MINAR2: variants seen among roughly 807,000 people sequenced by gnomAD.
MINAR2 encodes membrane integral NOTCH2 associated receptor 2.
A neutral mutation model predicts 16.1 loss-of-function variants in MINAR2; 21 were observed. The observed-to-expected ratio is 1.31, with a 90% confidence interval of 0.93 to 1.88. MINAR2 has a LOEUF of 1.88. Ranked by LOEUF, MINAR2 falls within the 40% of genes most tolerant of loss-of-function variation. MINAR2 has a pLI of 0.00. For missense variants in MINAR2, 259 were observed against 229.8 expected, an observed-to-expected ratio of 1.13 and a Z score of -0.82; for synonymous variants, 86 against 83.0, an observed-to-expected ratio of 1.04 and a Z score of -0.20.
chr5:129,750,661 G>A (rs989975726), intron 1 of MINAR2, among the ~76,000 whole-genome samples: 8 of 152,180 alleles, frequency 5.3e-5, no homozygotes, highest in African/African-American at 1.9e-4. Context: ...ATGTATGGAA[G>A]TATGTACATA....
chr5:129,764,098 T>G (rs546103281), intron 2 of MINAR2, among the ~76,000 whole-genome samples: 1 of 152,290 alleles, frequency 6.6e-6, no homozygotes, highest in East Asian at 1.9e-4. Context: ...AAAAATGTAT[T>G]TTTATAAATG....
chr5:129,753,668 G>C lies in MINAR2; in HGVS notation c.165+5313G>C, dbSNP rs548515305. ...CTCCGGAGGCTGAGGCAGGACAATCGCTTGAACCGGGGAGGTGGAGATTGC... is the reference window on the plus strand; with the variant it reads ...CTCCGGAGGCTGAGGCAGGACAATCCCTTGAACCGGGGAGGTGGAGATTGC... On this transcript the variant is annotated intron_variant, in intron 1 of 2. Transcript: ENST00000564719. Among the ~76,000 whole-genome samples, 95 of 151,740 alleles carry C rather than the reference G, an allele frequency of 6.3e-4. 1 individual carries two copies. The East Asian group carries it at 9.4e-3, about 15-fold the overall frequency.
At chr5:129,762,627 A>T in intron 2 of MINAR2, 1 of 306,156 alleles carries the variant, frequency 3.3e-6, no homozygotes, top group Non-Finnish European at 6.7e-6. Context: ...TTTTCTGATA[A>T]TCCCATGTTA....
At chr5:129,749,690 A>C (rs944256525) in intron 1 of MINAR2, among the ~76,000 whole-genome samples, 1 of 152,180 alleles carries the variant, frequency 6.6e-6, no homozygotes, top group Non-Finnish European at 1.5e-5. Context: ...CTTCTATGCT[A>C]TGCAGTTTAG....
chr5:129,751,301 C>T (rs1757981770), intron 1 of MINAR2, among the ~76,000 whole-genome samples: 1 of 152,062 alleles, frequency 6.6e-6, no homozygotes, highest in Non-Finnish European at 1.5e-5. Context: ...CTCTGCCTCC[C>T]AGATTCAAGC....
intron 1 of MINAR2, among the ~76,000 whole-genome samples, chr5:129,754,058 G>C (rs79265036): frequency 0.08 from 12,123 of 152,070 alleles, 648 homozygotes; most frequent in South Asian, 0.16. Flanking sequence ...CACCCAAATT[G>C]CTCCTCCAAA....
chr5:129,761,160 A>C (rs991962615), intron 2 of MINAR2, among the ~76,000 whole-genome samples: 11 of 152,166 alleles, frequency 7.2e-5, no homozygotes, highest in Admixed American at 5.9e-4. Flanking sequence ...TATGCAATGA[A>C]CTCATTCACC....
At chr5:129,762,994 AGCTAAAAAATGTTTGAAT>A (rs1286088839) in intron 2 of MINAR2, among the ~76,000 whole-genome samples, 1 of 152,200 alleles carries the variant, frequency 6.6e-6, no homozygotes, top group East Asian at 1.9e-4. Flanking sequence ...TAGAAAATAA[AGCTAAAAAATGTTTGAAT>A]GCTACACTTA....
intron 1 of MINAR2, among the ~76,000 whole-genome samples, chr5:129,749,575 T>C (rs893785776): frequency 2.6e-5 from 4 of 152,164 alleles, no homozygotes; most frequent in African/African-American, 9.6e-5. Context: ...CGTTCTTTTT[T>C]TAAGTTTTAA....
intron 1 of MINAR2, among the ~76,000 whole-genome samples, chr5:129,748,680 G>A (rs559697598): frequency 1.4e-3 from 216 of 152,078 alleles, no homozygotes; most frequent in Non-Finnish European, 2.3e-3. Context: ...TAAGACTTTG[G>A]GGGAAAAACT....
chr5:129,749,338 GT>G (rs1216055784), intron 1 of MINAR2, among the ~76,000 whole-genome samples: 1 of 152,120 alleles, frequency 6.6e-6, no homozygotes, highest in Non-Finnish European at 1.5e-5. Context: ...TTTGTGGTAA[GT>G]TTGTGGGCTC....
intron 2 of MINAR2, 113 bp downstream of exon 2, chr5:129,760,718 A>G (rs1758124285): frequency 2.6e-6 from 2 of 774,716 alleles, no homozygotes; most frequent in Non-Finnish European, 4.1e-6. Flanking sequence ...CAGAATCTCT[A>G]GATTTCAGAG....
At chr5:129,753,204 G>T (rs1758007600) in intron 1 of MINAR2, among the ~76,000 whole-genome samples, 1 of 152,018 alleles carries the variant, frequency 6.6e-6, no homozygotes, top group Non-Finnish European at 1.5e-5. Flanking sequence ...CAGTGCTGGG[G>T]CCGGGTGCCA....
intron 1 of MINAR2, among the ~76,000 whole-genome samples, chr5:129,756,838 C>T (rs750859820): frequency 2.1e-4 from 31 of 149,114 alleles, no homozygotes; most frequent in African/African-American, 6.2e-4. Flanking sequence ...AGCTTTTGAC[C>T]GTGTCTATTT....
chr5:129,760,292 C>G, intron 1 of MINAR2, 86 bp from the exon 2 acceptor site: 2 of 968,584 alleles, frequency 2.1e-6, no homozygotes, highest in South Asian at 2.9e-5. Flanking sequence ...ACAAAATCAG[C>G]ACATTATCAG....
rs963542039 is a variant in MINAR2 at position 129,753,821 on chromosome 5, A to G, written c.165+5466A>G. Among the ~76,000 whole-genome samples, 3 of 143,948 alleles carry G rather than the reference A, an allele frequency of 2.1e-5. No homozygotes were observed. The Admixed American group carries it at 2.1e-4, about 10-fold the overall frequency. 94.4% of individuals were successfully genotyped at this position (143,948 alleles called of 152,430 possible). ...ACAGAGAAAGGAAGGAAGGAAGGAG[A>G]AGAAGAAAAAGAGAAAGAAAGAAGA... On this transcript the variant is annotated intron_variant, in intron 1 of 2. Coordinates refer to ENST00000564719, the MANE Select transcript of MINAR2 (RefSeq NM_001257308.2).
chr5:129,764,094 G>A (rs1758174772), intron 2 of MINAR2, among the ~76,000 whole-genome samples: 1 of 152,178 alleles, frequency 6.6e-6, no homozygotes, highest in Non-Finnish European at 1.5e-5. Context: ...GGAAAAAAAT[G>A]TATTTTTATA....
intron 2 of MINAR2, 53 bp from the exon 3 acceptor site, chr5:129,764,831 G>A (rs548845827): frequency 2.5e-5 from 25 of 1,015,452 alleles, no homozygotes; most frequent in African/African-American, 2.3e-4. Context: ...CAATTAATTT[G>A]TAACACTGAC....
chr5:129,753,981 G>A (rs1758023247), intron 1 of MINAR2, among the ~76,000 whole-genome samples: 1 of 151,918 alleles, frequency 6.6e-6, no homozygotes, highest in South Asian at 2.1e-4. Context: ...AGTTCTTCAG[G>A]GTACCAAGTT....
Sources: gnomAD v4.1 joint callset for allele counts (sites outside exome capture counted in the v4.1 genomes callset) on GRCh38, gnomAD v4.1.1 for gene constraint, MANE v1.5 for transcripts, NCBI Gene and HGNC (gene_info 2026-07-23, HGNC 2026-07-21) for gene names.